Variants in PARPBP observed in about 807,000 individuals in gnomAD.
The protein encoded by PARPBP is PARP1 binding protein, also known as PCNA-interacting partner.
PARPBP carries 52 observed loss-of-function variants against 50.0 expected under a neutral mutation model. That is an observed-to-expected ratio of 1.04 (90% CI 0.83 to 1.31). PARPBP has a LOEUF of 1.31. PARPBP is among the 50% of genes most tolerant of loss of function. PARPBP has a pLI of 0.00. For missense variants in PARPBP, 697 were observed against 672.0 expected (o/e 1.04, Z -0.41); for synonymous variants, 244 against 232.1 (o/e 1.05, Z -0.47).
intron 4 of PARPBP, among the ~76,000 whole-genome samples, chr12:102,157,096 G>T (rs1887032630): frequency 6.6e-6 from 1 of 152,068 alleles, no homozygotes; most frequent in Non-Finnish European, 1.5e-5. Flanking sequence ...TAAATAGATT[G>T]CACTTAAAAT....
chr12:102,183,751 G>A (rs1013267849), intron 9 of PARPBP, among the ~76,000 whole-genome samples: 7 of 151,988 alleles, frequency 4.6e-5, no homozygotes, highest in African/African-American at 1.4e-4. Flanking sequence ...ATTTTGGGGA[G>A]CTCAATTTCT....
intron 9 of PARPBP, among the ~76,000 whole-genome samples, chr12:102,186,171 T>A (rs917199912): frequency 4.6e-5 from 7 of 152,230 alleles, no homozygotes; most frequent in African/African-American, 9.6e-5. Flanking sequence ...TCTCCTTTTT[T>A]AAAAAAATTT....
rs1486215113 is a variant in PARPBP, at chr12:102,196,728, T to A, written c.*437T>A. 1 of 1,543,924 alleles carries A rather than the reference T, an allele frequency of 6.5e-7. No homozygotes were observed. The highest frequency in any genetic ancestry group is 8.9e-7 in the Non-Finnish European group (1 of 1,118,112). ...TGAAGGAAGAAGAAAGTTTAAATTG[T>A]TTAAAGGACTATAATTATCACACAA... On this transcript the variant is annotated 3_prime_UTR_variant, in exon 11 of 11. Transcript: ENST00000327680.
At chr12:102,194,963 G>T (rs186741774) in intron 9 of PARPBP, among the ~76,000 whole-genome samples, 4 of 150,886 alleles carry the variant, frequency 2.7e-5, no homozygotes, top group African/African-American at 7.3e-5. Flanking sequence ...TATATCACCT[G>T]TATTGTTATT....
At chr12:102,142,968 G>A (rs940443344) in intron 2 of PARPBP, among the ~76,000 whole-genome samples, 1 of 152,180 alleles carries the variant, frequency 6.6e-6, no homozygotes, top group South Asian at 2.1e-4. Context: ...CAGTCTGTCC[G>A]TTCTCAGATC....
At chr12:102,146,148 AT>A (rs570175709) in intron 2 of PARPBP, among the ~76,000 whole-genome samples, 2 of 152,310 alleles carry the variant, frequency 1.3e-5, no homozygotes, top group South Asian at 4.1e-4. Context: ...GCCCAAGGTA[AT>A]TTATAGATTC....
intron 2 of PARPBP, 25 bp from the exon 3 acceptor site, chr12:102,148,205 T>C: frequency 1.0e-6 from 1 of 976,704 alleles, no homozygotes; most frequent in Non-Finnish European, 1.5e-6. Flanking sequence ...TTTATTTTTT[T>C]TTTTTTTGGC....
rs545546573 is a variant in PARPBP at position 102,181,246 on chromosome 12, C to T, written c.1185-1303C>T. Among the ~76,000 whole-genome samples the T allele has an allele frequency of 2.6e-5, 4 of 152,230 alleles. No homozygotes were observed. The East Asian group carries it at 7.7e-4, about 29-fold the overall frequency. On this transcript the variant is annotated intron_variant, in intron 8 of 10. Coordinates refer to ENST00000327680, the MANE Select transcript of PARPBP (RefSeq NM_017915.5). ...TATAGTGCCTTACAAATAGTAGAAG[C>T]TCATGAAACATTTAGTTACTGGATT...
chr12:102,162,218 T>C (rs1887676964), intron 4 of PARPBP, among the ~76,000 whole-genome samples: 1 of 152,184 alleles, frequency 6.6e-6, no homozygotes, highest in Non-Finnish European at 1.5e-5. Context: ...TTCAAAAATT[T>C]AACATGTGAT....
At chr12:102,136,082 T>C (rs1301001441) in intron 2 of PARPBP, among the ~76,000 whole-genome samples, 1 of 152,226 alleles carries the variant, frequency 6.6e-6, no homozygotes, top group Non-Finnish European at 1.5e-5. Context: ...TAGAGCACAT[T>C]GTTTGCTTTT....
At chr12:102,146,783 CT>C (rs1885417092) in intron 2 of PARPBP, among the ~76,000 whole-genome samples, 1 of 152,004 alleles carries the variant, frequency 6.6e-6, no homozygotes, top group Non-Finnish European at 1.5e-5. Flanking sequence ...AACAGGCAAC[CT>C]ACAAAATGGG....
chr12:102,184,046 GAAAAAAAAAA>G (rs71438459), intron 9 of PARPBP, among the ~76,000 whole-genome samples: 11 of 59,952 alleles, frequency 1.8e-4, no homozygotes, highest in Non-Finnish European at 2.4e-4. Flanking sequence ...GACTCTATCT[GAAAAAAAAAA>G]AAAAAAAAAA....
At chr12:102,140,182 G>A (rs779458409) in intron 2 of PARPBP, among the ~76,000 whole-genome samples, 4 of 152,034 alleles carry the variant, frequency 2.6e-5, no homozygotes, top group Non-Finnish European at 4.4e-5. Flanking sequence ...GTCTATTCAG[G>A]GATTCAACTT....
At chr12:102,167,709 T>C (rs978224247) in intron 6 of PARPBP, among the ~76,000 whole-genome samples, 3 of 152,176 alleles carry the variant, frequency 2.0e-5, no homozygotes, top group Non-Finnish European at 4.4e-5. Context: ...TAGGTCCACG[T>C]TGATGCTGAG....
intron 2 of PARPBP, 129 bp from the exon 3 acceptor site, chr12:102,148,101 C>T (rs1283079608): frequency 5.9e-6 from 3 of 506,682 alleles, no homozygotes; most frequent in Non-Finnish European, 1.0e-5. Flanking sequence ...TGGGTGTTCT[C>T]TTCAAACCCA....
intron 2 of PARPBP, among the ~76,000 whole-genome samples, chr12:102,139,072 C>A (rs1398110098): frequency 6.6e-6 from 1 of 152,124 alleles, no homozygotes; most frequent in Non-Finnish European, 1.5e-5. Context: ...TATAAATTAC[C>A]TTGGACAGTA....
chr12:102,169,361 T>C (rs574334671), intron 6 of PARPBP, among the ~76,000 whole-genome samples: 1 of 152,300 alleles, frequency 6.6e-6, no homozygotes, highest in Admixed American at 6.5e-5. Context: ...CAGAAACATA[T>C]CTTCAACTAT....
At chr12:102,124,152 T>C (rs1881593246) in intron 2 of PARPBP, 111 bp downstream of exon 2, 1 of 717,216 alleles carries the variant, frequency 1.4e-6, no homozygotes, top group African/African-American at 1.8e-5. Context: ...TATGTGCCCT[T>C]CTGTGATAAT....
At chr12:102,136,001 C>T (rs757721489) in intron 2 of PARPBP, among the ~76,000 whole-genome samples, 3 of 152,060 alleles carry the variant, frequency 2.0e-5, no homozygotes, top group African/African-American at 4.8e-5. Flanking sequence ...TCATCTTTAC[C>T]TTGATGTCCC....
Sources: gnomAD v4.1 joint callset for allele counts (sites outside exome capture counted in the v4.1 genomes callset) on GRCh38, gnomAD v4.1.1 for gene constraint, MANE v1.5 for transcripts, NCBI Gene and HGNC (gene_info 2026-07-23, HGNC 2026-07-21) for gene names.